Variants in PLCD1 observed in about 807,000 individuals in gnomAD.
The protein encoded by PLCD1 is 1-phosphatidylinositol 4,5-bisphosphate phosphodiesterase delta-1.
PLCD1 carries 71 observed loss-of-function variants against 87.4 expected under a neutral mutation model. The observed-to-expected ratio is 0.81, with a 90% CI of 0.67 to 0.99. The LOEUF (loss-of-function observed/expected upper bound fraction) is 0.99. Among genes scored for constraint, PLCD1 ranks in the 50% least tolerant of loss-of-function variants. The probability of loss-of-function intolerance (pLI) is 0.00; values close to 1 mark genes in which losing one functional copy is unlikely to be tolerated. For missense variants in PLCD1, 867 were observed against 1,001.5 expected (o/e 0.87, Z 1.81); for synonymous variants, 348 against 399.2 (o/e 0.87, Z 1.53).
chr3:38,016,418 C>CG (rs1700154727), intron 3 of PLCD1, 73 bp downstream of exon 3: 47 of 1,002,082 alleles, frequency 4.7e-5, no homozygotes, highest in Non-Finnish European at 7.2e-5. Context: ...GCTTCCATAC[C>CG]CAAGTTGCCC....
chr3:38,008,291 A>C lies in PLCD1; in HGVS notation c.1979T>G (p.Ile660Ser). The C allele has an allele frequency of 1.9e-6, 3 of 1,614,192 alleles. No homozygotes were observed. The highest frequency in any genetic ancestry group is 1.3e-5 in the African/African-American group (1 of 75,052). ...GGCCACGTCCCGGCTCACGCCATGG[A>C]TCTCCACTGTCACTTTGGGGTCCAC... ...SIVDPKVTVE[I>S]HGVSRDVASR... is the part of the protein sequence containing the mutation. The change falls in exon 13 of 15, where the codon ATC (isoleucine) becomes AGC (serine). Residue 660 changes from isoleucine to serine, a missense_variant. By Grantham distance (142) the Ile-to-Ser change is moderately radical. Coordinates refer to ENST00000334661, the MANE Select transcript of PLCD1 (RefSeq NM_006225.4).
At position 38,008,302 on chromosome 3, in the gene PLCD1, C is replaced by A; in HGVS notation, c.1968G>T (p.Val656=). The A allele has an allele frequency of 6.2e-7, 1 of 1,614,248 alleles. No homozygotes were observed. Among genetic ancestry groups the A allele is most frequent in the Non-Finnish European group, 8.5e-7 (1 of 1,180,050 alleles). ...KNKNSIVDPK[V]TVEIHGVSRD... ...GGCTCACGCCATGGATCTCCACTGT[C>A]ACTTTGGGGTCCACAATTGAATTCT... is the stretch of plus-strand genomic sequence containing the variant. Residue 656 remains valine (V), a synonymous_variant, in exon 13 of 15, where the codon GTG becomes GTT. Coordinates refer to ENST00000334661, the MANE Select transcript of PLCD1 (RefSeq NM_006225.4).
At chr3:38,020,066 C>A (rs530500705) in intron 2 of PLCD1, 122 bp downstream of exon 2, 258 of 918,696 alleles carry the variant, frequency 2.8e-4, no homozygotes, top group Non-Finnish European at 4.3e-4. Flanking sequence ...TGACCTATGC[C>A]CCACCAGGCC....
In PLCD1 at chr3:38,011,311, ATCCACCGACAGAGTC is replaced by A. The variant is rs1238334400; in HGVS notation, c.678_692del (p.Glu226_Val230del). ...GGTGCTGCAGGAACGTCACTAACTG[ATCCACCGACAGAGTC>A]TCCCCTGAGCCCGCGGCCTCGGCGA... On this transcript the variant is annotated inframe_deletion, in exon 5 of 15. Transcript: ENST00000334661. The A allele has an allele frequency of 3.1e-6, 5 of 1,612,074 alleles. No individual in the cohort carries two copies. Among genetic ancestry groups the A allele is most frequent in the Non-Finnish European group, 4.2e-6 (5 of 1,180,012 alleles).
chr3:38,023,858 A>G (rs1215969189), intron 1 of PLCD1, among the ~76,000 whole-genome samples: 1 of 150,518 alleles, frequency 6.6e-6, no homozygotes, highest in Non-Finnish European at 1.5e-5. Context: ...CATCACCATC[A>G]TTACACACTG....
chr3:38,007,689 TG>T lies in PLCD1; in HGVS notation c.*83del. The T allele has an allele frequency of 9.5e-7, 1 of 1,050,128 alleles. No individual in the cohort carries two copies. The highest frequency in any genetic ancestry group is 1.5e-6 in the Non-Finnish European group (1 of 674,644). 65.1% of individuals were successfully genotyped at this position (1,050,128 alleles called of 1,614,324 possible). On this transcript the variant is annotated 3_prime_UTR_variant, in exon 15 of 15. Transcript: ENST00000334661. ...GGGGGCCTAGCTCTGAGCAAGAGGC[TG>T]GGAGCAGCCACACCAGCCCTGTCCC...
Position 38,016,604 on chromosome 3 carries a change from G to C in PLCD1, c.315C>G (p.Arg105=), listed in dbSNP as rs748626598. ...ATGGGGCGATGAGGTCTAGTGTATT[G>C]CGCTGGTCCTTGAAGACAATGGAGA... The part of the protein sequence containing the change: ...RCFSIVFKDQ[R]NTLDLIAPSP... Residue 105 remains arginine, a synonymous_variant, in exon 3 of 15, where the codon CGC becomes CGG. Transcript: ENST00000334661. 1.9e-6 allele frequency: 3 copies of C among 1,613,598 alleles called. No homozygotes were observed. Among genetic ancestry groups the C allele is most frequent in the Non-Finnish European group, 2.5e-6 (3 of 1,179,738 alleles).
rs1575345611 is a variant in PLCD1 at position 38,008,833 on chromosome 3, C to G, written c.1724-197G>C. On this transcript the variant is annotated intron_variant, in intron 11 of 14. Transcript: ENST00000334661. Reference sequence around the variant, plus strand: ...ACCTTCCATTCCTGGTGTGAGAATTCAAAGGACTAGTGTGCTAATGAGGTT... The same window carrying G: ...ACCTTCCATTCCTGGTGTGAGAATTGAAAGGACTAGTGTGCTAATGAGGTT... The G allele has an allele frequency of 6.0e-6, 4 of 668,564 alleles. No homozygotes were observed. The East Asian group carries it at 1.1e-4, about 18-fold the overall frequency. The allele number at this position is 668,564 out of a possible 1,614,324, so 41.4% of individuals were successfully genotyped here.
At chr3:38,028,413 AG>A (rs1700329708) in intron 1 of PLCD1, among the ~76,000 whole-genome samples, 1 of 152,214 alleles carries the variant, frequency 6.6e-6, no homozygotes, top group East Asian at 1.9e-4. Context: ...AACACGAGAT[AG>A]ACTGGAGGCT....
Position 38,010,554 on chromosome 3 carries a change from G to A in PLCD1, c.799C>T (p.Gln267Ter), listed in dbSNP as rs764151594. The change falls in exon 6 of 15, where the codon CAG becomes TAG. Residue 267 changes from glutamine to a stop codon, truncating the protein, a stop_gained. Transcript: ENST00000334661. LOFTEE classifies it high-confidence loss of function. The stretch of plus-strand genomic sequence containing the variant: ...AAGCCGTCCTTGGTCATCTGCCGCT[G>A]CGCCTTGGCTGGGAGGGAGGAGGCC... The part of the protein sequence containing the change: ...RYEPSETAKA[Q>*]RQMTKDGFLM... The A allele has an allele frequency of 8.1e-6, 13 of 1,612,978 alleles. No homozygotes were observed. The Admixed American group carries it at 8.3e-5, about 10-fold the overall frequency.
intron 14 of PLCD1, 31 bp downstream of exon 14, chr3:38,007,983 A>G: frequency 6.2e-7 from 1 of 1,613,932 alleles, no homozygotes; most frequent in East Asian, 2.2e-5. Flanking sequence ...GCTTCCCACC[A>G]CCTTGGCCAT....
chr3:38,007,537 C>T lies in PLCD1; in HGVS notation c.*236G>A. On this transcript the variant is annotated 3_prime_UTR_variant, in exon 15 of 15. Coordinates refer to ENST00000334661, the MANE Select transcript of PLCD1 (RefSeq NM_006225.4). ...TTTTATAAAAATCCTTGACCACTCGCTGGCCGGAGGGTGGAGAGGGCTGCA... is the reference window on the plus strand; with the variant it reads ...TTTTATAAAAATCCTTGACCACTCGTTGGCCGGAGGGTGGAGAGGGCTGCA... The T allele has an allele frequency of 1.5e-6, 1 of 668,454 alleles. No homozygotes were observed. Among genetic ancestry groups the T allele is most frequent in the Non-Finnish European group, 2.7e-6 (1 of 367,214 alleles). 41.4% of individuals were successfully genotyped at this position (668,454 alleles called of 1,614,324 possible). A position where few individuals can be genotyped will look rare whatever the true frequency, so the allele number is the denominator to read the frequency against.
chr3:38,024,403 G>T, intron 1 of PLCD1: 1 of 1,612,544 alleles, frequency 6.2e-7, no homozygotes. Context: ...TCCCTGGAGC[G>T]GCTCCGGCTC....
intron 1 of PLCD1, chr3:38,024,583 G>A: frequency 1.3e-6 from 2 of 1,509,514 alleles, no homozygotes; most frequent in African/African-American, 1.4e-5. Flanking sequence ...GAATGGGAGG[G>A]AGGAGCTAGA....
At chr3:38,024,232 A>C (rs1234446912) in intron 1 of PLCD1, 2 of 979,900 alleles carry the variant, frequency 2.0e-6, no homozygotes, top group African/African-American at 3.3e-5. Context: ...GTCCAATTAA[A>C]GGCTCCAAGG....
At chr3:38,022,809 C>T (rs1700254260) in intron 1 of PLCD1, among the ~76,000 whole-genome samples, 1 of 152,162 alleles carries the variant, frequency 6.6e-6, no homozygotes, top group African/African-American at 2.4e-5. Flanking sequence ...CCTGCCCCAC[C>T]ACCCTTGCTC....
At chr3:38,024,120 T>A in intron 1 of PLCD1, 1 of 541,158 alleles carries the variant, frequency 1.8e-6, no homozygotes, top group Non-Finnish European at 3.3e-6. Context: ...CTGAGTTAAA[T>A]AATGAGAAGG....
rs1700077481 is a variant in PLCD1 at position 38,011,531 on chromosome 3, C to T, written c.558+13G>A. The stretch of plus-strand genomic sequence containing the variant: ...CATGGACAGGCAGCCCCAGCCCCCA[C>T]TTCCTGCCTCACCCTGAAGATCTTC... On this transcript the variant is annotated intron_variant, in intron 4 of 14. Coordinates refer to ENST00000334661, the MANE Select transcript of PLCD1 (RefSeq NM_006225.4). The T allele has an allele frequency of 6.2e-7, 1 of 1,614,148 alleles. No homozygotes were observed. The highest frequency in any genetic ancestry group is 8.5e-7 in the Non-Finnish European group (1 of 1,179,976).
chr3:38,010,220 G>A lies in PLCD1; in HGVS notation c.1048C>T (p.Gln350Ter), dbSNP rs1255695564. ...LELDCWDGPNQEPIIYHGYTF... is the reference protein window; with the variant it reads ...LELDCWDGPN ...TAGCCGTGGTAGATGATTGGTTCCT[G>A]GTTGGGCCCGTCCCAGCAGTCAAGC... is the stretch of plus-strand genomic sequence containing the variant. The change falls in exon 7 of 15, where the codon CAG (glutamine) becomes TAG (stop). Residue 350 changes from glutamine to a stop codon, truncating the protein, a stop_gained. Transcript: ENST00000334661. LOFTEE classifies it high-confidence loss of function. 6.2e-7 allele frequency: 1 copy of A among 1,614,118 alleles called. No individual in the cohort carries two copies. The highest frequency in any genetic ancestry group is 1.3e-5 in the African/African-American group (1 of 74,944).
Sources: allele counts gnomAD v4.1 joint callset (sites outside exome capture counted in the v4.1 genomes callset), GRCh38; gene constraint gnomAD v4.1.1; transcripts MANE v1.5; gene names NCBI Gene and HGNC (gene_info 2026-07-23, HGNC 2026-07-21).